The following PCSK2 variants were observed in gnomAD, a reference collection of about 807,000 sequenced individuals.
PCSK2 encodes proprotein convertase subtilisin/kexin type 2, also known as neuroendocrine convertase 2.
PCSK2 carries 14 observed loss-of-function variants against 69.7 expected under a neutral mutation model. The ratio of observed to expected loss-of-function variants is 0.20; its 90% CI spans 0.13 to 0.31. The LOEUF is 0.31. PCSK2 is among the 10% of genes least tolerant of loss of function. The pLI is 1.00. For missense variants in PCSK2, 544 were observed against 842.5 expected, an observed-to-expected ratio of 0.65 and a Z score of 4.39; for synonymous variants, 307 against 320.7, an observed-to-expected ratio of 0.96 and a Z score of 0.46.
intron 5 of PCSK2, among the ~76,000 whole-genome samples, chr20:17,391,100 T>C (rs1164144948): frequency 6.6e-6 from 1 of 152,256 alleles, no homozygotes; most frequent in Non-Finnish European, 1.5e-5. Context: ...AATATCCCTT[T>C]AGAATAAGTT....
chr20:17,375,179 G>C (rs544369275), intron 5 of PCSK2, among the ~76,000 whole-genome samples: 1 of 152,230 alleles, frequency 6.6e-6, no homozygotes, highest in South Asian at 2.1e-4. Flanking sequence ...AGGTTACAAC[G>C]TTGCACAATT....
intron 5 of PCSK2, among the ~76,000 whole-genome samples, chr20:17,405,737 T>G (rs1353527507): frequency 6.6e-6 from 1 of 152,190 alleles, no homozygotes; most frequent in African/African-American, 2.4e-5. Flanking sequence ...ATTCAAATAT[T>G]CAGAAATTAA....
At chr20:17,369,980 C>T (rs188309378) in intron 5 of PCSK2, among the ~76,000 whole-genome samples, 28 of 152,300 alleles carry the variant, frequency 1.8e-4, no homozygotes, top group African/African-American at 6.5e-4. Flanking sequence ...GCAATGTTAG[C>T]AGAGAATCAC....
chr20:17,330,417 C>T (rs755229260), intron 2 of PCSK2, among the ~76,000 whole-genome samples: 1 of 151,928 alleles, frequency 6.6e-6, no homozygotes, highest in Admixed American at 6.6e-5. Flanking sequence ...CATGGCGAAA[C>T]CCCGTCTCTA....
chr20:17,352,141 G>A (rs749189515), intron 2 of PCSK2, among the ~76,000 whole-genome samples: 1 of 152,012 alleles, frequency 6.6e-6, no homozygotes, highest in East Asian at 1.9e-4. Context: ...TACATTTAAC[G>A]AAAGAGGTAA....
rs1182566605 is a variant in PCSK2, at chr20:17,484,222, G to A, written c.*2152G>A. ...AGTTGTCCATATTTTCACAGGTGTG[G>A]TGTAATTTATAAAATTAGAAAGCAA... On this transcript the variant is annotated 3_prime_UTR_variant, in exon 12 of 12. Coordinates refer to ENST00000262545, the MANE Select transcript of PCSK2 (RefSeq NM_002594.5). 6.6e-6 allele frequency: 1 copy of A among 152,308 alleles called. No individual in the cohort carries two copies. The highest frequency in any genetic ancestry group is 6.6e-5 in the Admixed American group (1 of 15,246). 9.4% of individuals were successfully genotyped at this position (152,308 alleles called of 1,614,324 possible).
chr20:17,322,813 C>G (rs73251724), intron 2 of PCSK2, among the ~76,000 whole-genome samples: 2,282 of 152,288 alleles, frequency 0.015, 63 homozygotes, highest in African/African-American at 0.051. Context: ...ATGGAAGTGG[C>G]ACCTTCATGA....
chr20:17,441,012 C>A lies in PCSK2; in HGVS notation c.885+4129C>A, dbSNP rs80289877. 4.6e-4 allele frequency among the ~76,000 whole-genome samples: 70 copies of A among 152,300 alleles called. No individual in the cohort carries two copies. In the East Asian group the frequency reaches 0.012, roughly 26 times the overall value. On this transcript the variant is annotated intron_variant, in intron 8 of 11. Transcript: ENST00000262545. Reference sequence around the variant, plus strand: ...GAATGTGTGGAAAGCCACAGGAGGGCTCTGCGGTCACGGGGCTAGGCCACA... The same window carrying A: ...GAATGTGTGGAAAGCCACAGGAGGGATCTGCGGTCACGGGGCTAGGCCACA...
At chr20:17,376,873 C>A (rs1232850127) in intron 5 of PCSK2, among the ~76,000 whole-genome samples, 1 of 152,148 alleles carries the variant, frequency 6.6e-6, no homozygotes, top group Admixed American at 6.5e-5. Context: ...GTTAACTCAC[C>A]AATATTATTG....
chr20:17,310,353 A>G (rs1043586925), intron 2 of PCSK2, among the ~76,000 whole-genome samples: 1 of 152,162 alleles, frequency 6.6e-6, no homozygotes, highest in Non-Finnish European at 1.5e-5. Flanking sequence ...AGGTTAAAAA[A>G]CATTGATGAT....
chr20:17,334,502 C>T (rs933018673), intron 2 of PCSK2, among the ~76,000 whole-genome samples: 2 of 152,132 alleles, frequency 1.3e-5, no homozygotes, highest in Non-Finnish European at 2.9e-5. Flanking sequence ...GTGGTGACAG[C>T]GATCAGAGCG....
intron 5 of PCSK2, among the ~76,000 whole-genome samples, chr20:17,375,463 C>T (rs566817301): frequency 2.0e-5 from 3 of 152,248 alleles, no homozygotes; most frequent in South Asian, 2.1e-4. Context: ...AGGATGCCCC[C>T]GAGGAAGCGG....
intron 1 of PCSK2, among the ~76,000 whole-genome samples, chr20:17,228,838 A>G (rs987960309): frequency 1.4e-4 from 21 of 152,210 alleles, no homozygotes; most frequent in Non-Finnish European, 8.8e-5. Context: ...AGGTCTGGGA[A>G]GAGGCTCTGG....
intron 5 of PCSK2, among the ~76,000 whole-genome samples, chr20:17,376,684 T>C (rs1250146596): frequency 6.6e-6 from 1 of 152,258 alleles, no homozygotes; most frequent in Non-Finnish European, 1.5e-5. Context: ...ACTTCATTCA[T>C]GCATTCAATC....
chr20:17,459,520 C>T (rs1392198615), intron 10 of PCSK2, among the ~76,000 whole-genome samples: 1 of 152,158 alleles, frequency 6.6e-6, no homozygotes. Context: ...TGGGTGTACC[C>T]ATTGACCCTA....
In PCSK2 at chr20:17,429,441, G is replaced by A. The variant is rs761526681; in HGVS notation, c.627G>A (p.Gly209=). 1.2e-6 allele frequency: 2 copies of A among 1,613,532 alleles called. No homozygotes were observed. Among genetic ancestry groups the A allele is most frequent in the East Asian group, 2.2e-5 (1 of 44,896 alleles). Reference sequence around the variant, plus strand: ...TCTTTATATTTTTCCAAAGCCACGGGACCCGATGTGCAGGAGAAGTTTCTG... The same window carrying A: ...TCTTTATATTTTTCCAAAGCCACGGAACCCGATGTGCAGGAGAAGTTTCTG... The part of the protein sequence containing the change: ...RYTDDWFNSH[G]TRCAGEVSAA... Residue 209 remains glycine (G), a synonymous_variant, in exon 7 of 12, where the codon GGG becomes GGA. Coordinates refer to ENST00000262545, the MANE Select transcript of PCSK2 (RefSeq NM_002594.5).
intron 7 of PCSK2, among the ~76,000 whole-genome samples, chr20:17,433,812 T>TCTCCCCC (rs774361715): frequency 9.6e-6 from 1 of 104,132 alleles, no homozygotes; most frequent in African/African-American, 4.1e-5. Context: ...TCTCTCTCTC[T>TCTCCCCC]CCCCCCACTT....
At chr20:17,312,714 A>C (rs1287046233) in intron 2 of PCSK2, among the ~76,000 whole-genome samples, 1 of 152,048 alleles carries the variant, frequency 6.6e-6, no homozygotes, top group Non-Finnish European at 1.5e-5. Context: ...GACTATGAGA[A>C]GAGAGGTGCT....
chr20:17,475,224 C>G (rs2123417817), intron 11 of PCSK2, among the ~76,000 whole-genome samples: 1 of 151,816 alleles, frequency 6.6e-6, no homozygotes, highest in East Asian at 2.0e-4. Context: ...TTTATGTATT[C>G]TTATTTCAGC....
Sources: allele counts gnomAD v4.1 joint callset (sites outside exome capture counted in the v4.1 genomes callset), GRCh38; gene constraint gnomAD v4.1.1; transcripts MANE v1.5; gene names NCBI Gene and HGNC (gene_info 2026-07-23, HGNC 2026-07-21).